CPA6: variants seen among roughly 807,000 people sequenced by gnomAD.
CPA6 encodes the protein carboxypeptidase B.
CPA6 carries 58 observed loss-of-function variants against 63.3 expected under a neutral mutation model. The observed-to-expected ratio is 0.92, with a 90% CI of 0.74 to 1.14. CPA6 has a LOEUF of 1.14. CPA6 is among the 50% of genes most tolerant of loss of function. CPA6 has a pLI of 0.00. For missense variants in CPA6, 565 were observed against 526.6 expected, an observed-to-expected ratio of 1.07 and a Z score of -0.71; for synonymous variants, 185 against 179.0, an observed-to-expected ratio of 1.03 and a Z score of -0.27.
At chr8:67,593,161 G>A (rs1814184099) in intron 2 of CPA6, among the ~76,000 whole-genome samples, 1 of 150,394 alleles carries the variant, frequency 6.6e-6, no homozygotes, top group African/African-American at 2.5e-5. Context: ...TCATTCAGGA[G>A]CAGGTTGTTC....
chr8:67,643,620 G>C (rs1025396825), intron 1 of CPA6, among the ~76,000 whole-genome samples: 7 of 152,168 alleles, frequency 4.6e-5, no homozygotes, highest in Non-Finnish European at 8.8e-5. Context: ...GAGGGAAAGA[G>C]AGATGTGATT....
rs115453527 is a variant in CPA6, at chr8:67,511,928, G to A, written c.318-273C>T. Among the ~76,000 whole-genome samples, 1,276 of 152,262 alleles carry A rather than the reference G, an allele frequency of 8.4e-3. 17 individuals carry two copies. Among genetic ancestry groups the A allele is most frequent in the African/African-American group, 0.029 (1,213 of 41,532 alleles). The stretch of plus-strand genomic sequence containing the variant: ...CTGCTGATTTGCAGCTGCAACAACC[G>A]AATGATGACTACGAGCACTTAGATT... On this transcript the variant is annotated intron_variant, in intron 3 of 10. Transcript: ENST00000297770.
intron 1 of CPA6, among the ~76,000 whole-genome samples, chr8:67,731,544 T>C (rs951582125): frequency 2.6e-5 from 4 of 152,364 alleles, no homozygotes; most frequent in African/African-American, 9.6e-5. Context: ...GCTCAGAAAA[T>C]GCCCCCATTC....
intron 1 of CPA6, among the ~76,000 whole-genome samples, chr8:67,698,609 C>T (rs1383324148): frequency 6.6e-6 from 1 of 152,162 alleles, no homozygotes; most frequent in Non-Finnish European, 1.5e-5. Context: ...GTCGATATGT[C>T]TTCCGATTCT....
intron 1 of CPA6, among the ~76,000 whole-genome samples, chr8:67,627,671 T>C (rs1400711485): frequency 6.6e-6 from 1 of 152,220 alleles, no homozygotes; most frequent in African/African-American, 2.4e-5. Flanking sequence ...GGATGTCTTA[T>C]AGAGGAAGCA....
rs1554668285 is a variant in CPA6 at position 67,496,555 on chromosome 8, A to ATT, written c.636+10231_636+10232insAA. Reference sequence around the variant, plus strand: ...TATATATATATATATATATATATATATATTTATTTTATTTTTTTTTTTTGA... The same window carrying ATT: ...TATATATATATATATATATATATATATTTATTTATTTTATTTTTTTTTTTTGA... On this transcript the variant is annotated intron_variant, in intron 6 of 10. Transcript: ENST00000297770. 1.2e-3 allele frequency among the ~76,000 whole-genome samples: 126 copies of ATT among 101,008 alleles called. 3 individuals carry two copies. Among genetic ancestry groups the ATT allele is most frequent in the East Asian group, 4.5e-3 (15 of 3,360 alleles). The allele number at this position is 101,008 out of a possible 152,430, so 66.3% of individuals were successfully genotyped here.
rs573306245 is a variant in CPA6 at position 67,553,844 on chromosome 8, C to A, written c.193-35797G>T. ...ACCATGTTTATGCCTAATTTGGGTC[C>A]CCAAAATATTGCTGAAGGAACAATA... On this transcript the variant is annotated intron_variant, in intron 2 of 10. Transcript: ENST00000297770. Among the ~76,000 whole-genome samples, 16 of 152,100 alleles carry A rather than the reference C, an allele frequency of 1.1e-4. No individual in the cohort carries two copies. The Middle Eastern group carries it at 0.01, about 97-fold the overall frequency.
chr8:67,585,887 T>C (rs1813919664), intron 2 of CPA6, among the ~76,000 whole-genome samples: 1 of 152,120 alleles, frequency 6.6e-6, no homozygotes, highest in South Asian at 2.1e-4. Context: ...TCTGATTTGC[T>C]AGAAGTCATC....
intron 1 of CPA6, among the ~76,000 whole-genome samples, chr8:67,710,733 G>C (rs957691368): frequency 6.7e-5 from 10 of 150,296 alleles, no homozygotes; most frequent in African/African-American, 2.2e-4. Flanking sequence ...TGGCCCAAAG[G>C]GGGTCTGTTT....
intron 1 of CPA6, among the ~76,000 whole-genome samples, chr8:67,694,656 G>A (rs1485433478): frequency 1.3e-5 from 2 of 152,192 alleles, no homozygotes; most frequent in Non-Finnish European, 2.9e-5. Flanking sequence ...ATGGCCTCAT[G>A]GGGAGTTCTC....
chr8:67,450,189 A>C (rs1479667239), intron 8 of CPA6, among the ~76,000 whole-genome samples: 1 of 152,100 alleles, frequency 6.6e-6, no homozygotes, highest in African/African-American at 2.4e-5. Flanking sequence ...CCATTCAATA[A>C]ATTTTTATGG....
intron 8 of CPA6, among the ~76,000 whole-genome samples, chr8:67,444,563 C>T (rs1810371017): frequency 6.6e-6 from 1 of 151,630 alleles, no homozygotes; most frequent in African/African-American, 2.4e-5. Flanking sequence ...GTGGGCGGAT[C>T]ACTTGAGATC....
chr8:67,477,708 T>C (rs1323783081), intron 8 of CPA6, among the ~76,000 whole-genome samples: 1 of 152,226 alleles, frequency 6.6e-6, no homozygotes, highest in Non-Finnish European at 1.5e-5. Context: ...CACGTCATTC[T>C]CAGCCAGAAG....
intron 1 of CPA6, among the ~76,000 whole-genome samples, chr8:67,739,824 A>C (rs1817879623): frequency 6.6e-6 from 1 of 152,214 alleles, no homozygotes; most frequent in Admixed American, 6.5e-5. Flanking sequence ...ATATGATAAA[A>C]AGCCTTATTT....
At chr8:67,727,059 T>C (rs1817610015) in intron 1 of CPA6, among the ~76,000 whole-genome samples, 1 of 152,216 alleles carries the variant, frequency 6.6e-6, no homozygotes, top group Non-Finnish European at 1.5e-5. Flanking sequence ...TTTGAGAATT[T>C]ACACATGCTT....
At chr8:67,600,888 G>A (rs1356905446) in intron 2 of CPA6, among the ~76,000 whole-genome samples, 10 of 152,158 alleles carry the variant, frequency 6.6e-5, no homozygotes, top group Non-Finnish European at 1.0e-4. Context: ...AGCTAAGATC[G>A]CAATATTAAT....
At chr8:67,729,624 GAAGTT>G (rs1817668603) in intron 1 of CPA6, among the ~76,000 whole-genome samples, 1 of 152,218 alleles carries the variant, frequency 6.6e-6, no homozygotes, top group South Asian at 2.1e-4. Flanking sequence ...TGCTCAGGAG[GAAGTT>G]AAGTGATGTT....
rs1384789228 is a variant in CPA6, at chr8:67,648,043, CAGTTGA to C, written c.117-23798_117-23793del. On this transcript the variant is annotated intron_variant, in intron 1 of 10. Transcript: ENST00000297770. Reference sequence around the variant, plus strand: ...TTTTGTCCTATTAATCTGCCTTTGTCAGTTGATTTTTTTTCAGAGAACTTTCAGAGG... The same window carrying C: ...TTTTGTCCTATTAATCTGCCTTTGTCTTTTTTTTCAGAGAACTTTCAGAGG... Among the ~76,000 whole-genome samples, 6 of 152,234 alleles carry C rather than the reference CAGTTGA, an allele frequency of 3.9e-5. No homozygotes were observed. The East Asian group carries it at 1.2e-3, about 29-fold the overall frequency.
At chr8:67,547,345 C>T (rs1013950529) in intron 2 of CPA6, among the ~76,000 whole-genome samples, 24 of 152,092 alleles carry the variant, frequency 1.6e-4, no homozygotes, top group African/African-American at 3.9e-4. Flanking sequence ...TGTGCCCGGC[C>T]GAAGGCCAAG....
Sources: allele counts gnomAD v4.1 joint callset (sites outside exome capture counted in the v4.1 genomes callset), GRCh38; gene constraint gnomAD v4.1.1; transcripts MANE v1.5; gene names NCBI Gene and HGNC (gene_info 2026-07-23, HGNC 2026-07-21).